Variants in CNMD observed in about 807,000 individuals in gnomAD.
CNMD encodes leukocyte cell-derived chemotaxin 1.
In CNMD, 30 loss-of-function variants were observed where a neutral mutation model predicts 37.5. That is an observed-to-expected ratio of 0.80 (90% CI 0.60 to 1.09). CNMD has a LOEUF of 1.09. Among genes scored for constraint, CNMD ranks in the 50% least tolerant of loss-of-function variants. The pLI is 0.00. For synonymous variants in CNMD, 167 were observed against 148.2 expected (o/e 1.13, Z -0.92); for missense variants, 398 against 423.9 (o/e 0.94, Z 0.54).
At chr13:52,721,468 G>A (rs1352682104) in intron 4 of CNMD, among the ~76,000 whole-genome samples, 1 of 152,242 alleles carries the variant, frequency 6.6e-6, no homozygotes, top group East Asian at 1.9e-4. Flanking sequence ...AAAGACCATG[G>A]GAAAAGCATA....
rs779771154 is a variant in CNMD, at chr13:52,724,051, C to T, written c.414G>A (p.Lys138=). 2 of 1,614,122 alleles carry T rather than the reference C, an allele frequency of 1.2e-6. No homozygotes were observed. Among genetic ancestry groups the T allele is most frequent in the Admixed American group, 3.3e-5 (2 of 60,016 alleles). ...CGGCGCCCACCTCAGGAATACGAGC[C>T]TTCACTTGCGCTTTAATGTAGCACT... The part of the protein sequence containing the change: ...GEKCYIKAQV[K]ARIPEVGAVT... The change falls in exon 4 of 7, where the codon AAG becomes AAA. Residue 138 remains lysine, a synonymous_variant. Transcript: ENST00000377962.
chr13:52,724,417 C>CAAAAAAAAAAAAAAAA (rs71094319), intron 3 of CNMD, among the ~76,000 whole-genome samples: 2 of 85,816 alleles, frequency 2.3e-5, no homozygotes, highest in African/African-American at 4.9e-5. Context: ...ACTAAAAATA[C>CAAAAAAAAAAAAAAAA]AAAAAAAAAA....
At chr13:52,738,928 G>T in intron 2 of CNMD, 103 bp downstream of exon 2, 1 of 1,152,044 alleles carries the variant, frequency 8.7e-7, no homozygotes, top group Non-Finnish European at 1.1e-6. Flanking sequence ...GGGCCCGAGG[G>T]GCCCGCCGGC....
At chr13:52,735,615 A>C (rs1964744122) in intron 2 of CNMD, among the ~76,000 whole-genome samples, 1 of 151,928 alleles carries the variant, frequency 6.6e-6, no homozygotes, top group Non-Finnish European at 1.5e-5. Context: ...ATGGAAGAAG[A>C]ATTGTCTTGG....
At position 52,712,785 on chromosome 13, in the gene CNMD, A is replaced by T; in HGVS notation, c.553T>A (p.Leu185Met). 6.3e-7 allele frequency: 1 copy of T among 1,596,572 alleles called. No homozygotes were observed. Among genetic ancestry groups the T allele is most frequent in the African/African-American group, 1.3e-5 (1 of 74,648 alleles). Reference sequence around the variant, plus strand: ...CAGAGTTCTAACACCTTAGAACTCAAGAAGCTGTTGTCCTTCACAGGCTGA... The same window carrying T: ...CAGAGTTCTAACACCTTAGAACTCATGAAGCTGTTGTCCTTCACAGGCTGA... The part of the protein sequence containing the change: ...VDQPVKDNSF[L>M]SSKVLELCGD... The change falls in exon 5 of 7, where the codon TTG becomes ATG. Residue 185 changes from leucine to methionine, a missense_variant. By Grantham distance (15) the Leu-to-Met change is conservative. Coordinates refer to ENST00000377962, the MANE Select transcript of CNMD (RefSeq NM_007015.3).
rs896200886 is a variant in CNMD, at chr13:52,738,929, G to A, written c.213+102C>T. 2.8e-5 allele frequency: 33 copies of A among 1,165,644 alleles called. No individual in the cohort carries two copies. In the South Asian group the frequency reaches 7.5e-4, roughly 26 times the overall value. 72.2% of individuals were successfully genotyped at this position (1,165,644 alleles called of 1,614,324 possible). A position where few individuals can be genotyped will look rare whatever the true frequency, so the allele number is the denominator to read the frequency against. On this transcript the variant is annotated intron_variant, in intron 2 of 6. Coordinates refer to ENST00000377962, the MANE Select transcript of CNMD (RefSeq NM_007015.3). ...GGGGAGCTCACGCTGGGCCCGAGGG[G>A]CCCGCCGGCAGCCGCGCGCCCCTCG...
chr13:52,738,251 T>C (rs1398175792), intron 2 of CNMD, among the ~76,000 whole-genome samples: 3 of 152,218 alleles, frequency 2.0e-5, no homozygotes, highest in Admixed American at 6.5e-5. Flanking sequence ...CCCTTTTACA[T>C]AGGTGAACAC....
chr13:52,734,397 C>G (rs1253741948), intron 2 of CNMD, among the ~76,000 whole-genome samples: 1 of 152,164 alleles, frequency 6.6e-6, no homozygotes, highest in Non-Finnish European at 1.5e-5. Context: ...GTTAGAAAGA[C>G]AAATTTCAAT....
rs78973911 is a variant in CNMD at position 52,708,806 on chromosome 13, G to T, written c.623-104C>A. ...ATAAGAAAAGGATATCAAAATTTGT[G>T]CATAACCAGATGGCTTAAAATTTTT... On this transcript the variant is annotated intron_variant, in intron 5 of 6. Transcript: ENST00000377962. 3.7e-3 allele frequency: 3,601 copies of T among 977,826 alleles called. 91 individuals carry two copies. In the African/African-American group the frequency reaches 0.052, roughly 14 times the overall value. 60.6% of individuals were successfully genotyped at this position (977,826 alleles called of 1,614,324 possible). A position where few individuals can be genotyped will look rare whatever the true frequency, so the allele number is the denominator to read the frequency against.
intron 3 of CNMD, among the ~76,000 whole-genome samples, chr13:52,724,417 CAAAAAA>C (rs71094319): frequency 7.7e-4 from 66 of 85,816 alleles, no homozygotes; most frequent in East Asian, 6.7e-3. Flanking sequence ...ACTAAAAATA[CAAAAAA>C]AAAAAAAAAA....
At chr13:52,738,341 A>C (rs1261791669) in intron 2 of CNMD, among the ~76,000 whole-genome samples, 2 of 152,210 alleles carry the variant, frequency 1.3e-5, no homozygotes, top group East Asian at 3.9e-4. Flanking sequence ...AGAGCCGTGG[A>C]GCTTTAAAAT....
At chr13:52,729,667 A>C (rs549874968) in intron 3 of CNMD, among the ~76,000 whole-genome samples, 1 of 151,982 alleles carries the variant, frequency 6.6e-6, no homozygotes, top group Non-Finnish European at 1.5e-5. Flanking sequence ...GTTTCATTTC[A>C]TTTTTCCTTT....
chr13:52,739,164 G>A lies in CNMD; in HGVS notation c.80C>T (p.Ala27Val). The change falls in exon 2 of 7, where the codon GCT becomes GTT. Residue 27 changes from alanine to valine, a missense_variant. By Grantham distance (64) the Ala-to-Val change is moderately conservative. Transcript: ENST00000377962. This position sits in a 1 kb window ranked among gnomAD's most constrained non-coding sequence, Gnocchi z 5.4. ...GCTGGAGGGCTTCACCGTCAGCGTA[G>A]CGTACGCCTGCGGGCCGGGGCGGGA... Reference protein sequence around the residue: ...DVEFCSPPAYATLTVKPSSPA... With the variant: ...DVEFCSPPAYVTLTVKPSSPA... 6.7e-7 allele frequency: 1 copy of A among 1,496,198 alleles called. No homozygotes were observed. The allele number at this position is 1,496,198 out of a possible 1,614,324, so 92.7% of individuals were successfully genotyped here.
intron 5 of CNMD, among the ~76,000 whole-genome samples, chr13:52,709,334 T>C (rs757365169): frequency 6.6e-6 from 1 of 152,166 alleles, no homozygotes; most frequent in Non-Finnish European, 1.5e-5. Context: ...ACCTCCTCTC[T>C]CTAGACTTCT....
chr13:52,729,018 A>T (rs1195678796), intron 3 of CNMD, among the ~76,000 whole-genome samples: 1 of 152,208 alleles, frequency 6.6e-6, no homozygotes, highest in Non-Finnish European at 1.5e-5. Flanking sequence ...GGTGGTAATG[A>T]AGAAATTTGC....
intron 4 of CNMD, among the ~76,000 whole-genome samples, chr13:52,716,829 G>A (rs1457667111): frequency 6.6e-6 from 1 of 151,992 alleles, no homozygotes; most frequent in African/African-American, 2.4e-5. Context: ...TTGGTTATAC[G>A]GGCTCTTTTT....
Position 52,703,730 on chromosome 13 carries a change from G to A in CNMD, c.870C>T (p.Tyr290=). The change falls in exon 7 of 7, where the codon TAC becomes TAT. Residue 290 remains tyrosine (Y), a synonymous_variant. Coordinates refer to ENST00000377962, the MANE Select transcript of CNMD (RefSeq NM_007015.3). ...GICCIECRRS[Y]THCQKICEPL... is the part of the protein sequence containing the mutation. ...GTTCACAGATCTTCTGGCAGTGGGT[G>A]TAGCTCCGCCTACATTCTATACAAC... 3 of 1,613,178 alleles carry A rather than the reference G, an allele frequency of 1.9e-6. No homozygotes were observed. Among genetic ancestry groups the A allele is most frequent in the Non-Finnish European group, 2.5e-6 (3 of 1,179,080 alleles).
intron 6 of CNMD, among the ~76,000 whole-genome samples, chr13:52,707,798 A>C (rs1407864193): frequency 6.6e-6 from 1 of 152,136 alleles, no homozygotes; most frequent in Non-Finnish European, 1.5e-5. Flanking sequence ...AAGTGTTCTT[A>C]CCCTTAATTA....
chr13:52,720,711 C>T lies in CNMD; in HGVS notation c.468+3286G>A, dbSNP rs189587691. Among the ~76,000 whole-genome samples, 39 of 152,240 alleles carry T rather than the reference C, an allele frequency of 2.6e-4. No homozygotes were observed. The East Asian group carries it at 5.4e-3, about 21-fold the overall frequency. ...AGAGGGGCACCCATCAGATGCCAGCCGGAGCTCTCCTGTATGAGGTATCTG... is the reference window on the plus strand; with the variant it reads ...AGAGGGGCACCCATCAGATGCCAGCTGGAGCTCTCCTGTATGAGGTATCTG... On this transcript the variant is annotated intron_variant, in intron 4 of 6. Transcript: ENST00000377962.
Sources: allele counts gnomAD v4.1 joint callset (sites outside exome capture counted in the v4.1 genomes callset), GRCh38; gene constraint gnomAD v4.1.1; non-coding constraint Gnocchi (gnomAD v3.1); transcripts MANE v1.5; gene names NCBI Gene and HGNC (gene_info 2026-07-23, HGNC 2026-07-21).